BMPER: variants seen among roughly 807,000 people sequenced by gnomAD.
BMPER encodes BMP binding endothelial regulator, also known as BMP-binding endothelial regulator protein.
Under a neutral mutation model 87.3 loss-of-function variants are expected in BMPER, and 45 were observed. The ratio of observed to expected loss-of-function variants is 0.52; its 90% CI spans 0.41 to 0.66. The LOEUF is 0.66. Ranked by LOEUF, BMPER falls within the 30% of genes least tolerant of loss-of-function variation. The pLI, the probability that BMPER is intolerant of heterozygous loss-of-function variation, is 0.00. For missense variants in BMPER, 784 were observed against 867.5 expected (o/e 0.90, Z 1.21); for synonymous variants, 326 against 316.2 (o/e 1.03, Z -0.33).
intron 6 of BMPER, among the ~76,000 whole-genome samples, chr7:34,001,701 T>G (rs1786585972): frequency 6.6e-6 from 1 of 151,758 alleles, no homozygotes; most frequent in South Asian, 2.1e-4. Context: ...CTTCATCATT[T>G]TCTTTCTTCT....
rs543297892 is a variant in BMPER, at chr7:33,988,747, C to T, written c.576+13963C>T. Among the ~76,000 whole-genome samples the T allele has an allele frequency of 8.2e-3, 1,179 of 144,164 alleles. 13 individuals are homozygous for T. Among genetic ancestry groups the T allele is most frequent in the African/African-American group, 0.028 (1,084 of 38,996 alleles). 94.6% of individuals were successfully genotyped at this position (144,164 alleles called of 152,430 possible). A position where few individuals can be genotyped will look rare whatever the true frequency, so the allele number is the denominator to read the frequency against. ...GTCATCTAGCATTACGTATATCTCC[C>T]GATGCTATCCCTCCCCCCTCCCCCC... is the stretch of plus-strand genomic sequence containing the variant. On this transcript the variant is annotated intron_variant, in intron 6 of 14. Transcript: ENST00000649409.
chr7:34,005,157 G>A (rs1427336069), intron 6 of BMPER, among the ~76,000 whole-genome samples: 1 of 152,052 alleles, frequency 6.6e-6, no homozygotes, highest in Non-Finnish European at 1.5e-5. Context: ...CTGACAGATA[G>A]GTAAAATAGT....
intron 3 of BMPER, among the ~76,000 whole-genome samples, chr7:33,951,534 T>G (rs1785024535): frequency 6.6e-6 from 1 of 152,218 alleles, no homozygotes; most frequent in Non-Finnish European, 1.5e-5. Flanking sequence ...TACAATTAAG[T>G]ATCTTTTCTT....
chr7:33,937,669 GAA>G (rs1476721987), intron 3 of BMPER: 4 of 451,834 alleles, frequency 8.9e-6, no homozygotes, highest in Non-Finnish European at 1.7e-5. Flanking sequence ...ATGTCGTAGA[GAA>G]GAGTCAACCA....
intron 6 of BMPER, among the ~76,000 whole-genome samples, chr7:34,029,015 T>C (rs1202396288): frequency 6.6e-6 from 1 of 152,066 alleles, no homozygotes; most frequent in Admixed American, 6.6e-5. Context: ...CATGGAATAT[T>C]AAATGGACAA....
intron 3 of BMPER, among the ~76,000 whole-genome samples, chr7:33,964,096 A>G (rs1002470321): frequency 3.9e-5 from 6 of 152,246 alleles, no homozygotes; most frequent in Admixed American, 6.5e-5. Flanking sequence ...GATTGTATCT[A>G]TATCTGAGTC....
intron 12 of BMPER, among the ~76,000 whole-genome samples, chr7:34,081,148 C>T (rs1487143244): frequency 6.6e-6 from 1 of 152,240 alleles, no homozygotes; most frequent in African/African-American, 2.4e-5. Flanking sequence ...TTACTTTACA[C>T]TTATTCTTTG....
At chr7:34,119,050 A>G (rs563735629) in intron 13 of BMPER, among the ~76,000 whole-genome samples, 5 of 149,014 alleles carry the variant, frequency 3.4e-5, no homozygotes, top group South Asian at 2.1e-4. Flanking sequence ...ACTCGATACG[A>G]TGACACATAT....
rs566476020 is a variant in BMPER at position 34,153,931 on chromosome 7, T to C, written c.*658T>C. On this transcript the variant is annotated 3_prime_UTR_variant, in exon 15 of 15. Transcript: ENST00000649409. ...ACTAGGGCATAACCGAAGAATCAAG[T>C]GATTTCTTGCCATCCTTGCGTAGTC... 6 of 154,928 alleles carry C rather than the reference T, an allele frequency of 3.9e-5. No homozygotes were observed. In the South Asian group the frequency reaches 1.2e-3, roughly 31 times the overall value. The allele number at this position is 154,928 out of a possible 1,614,324, so 9.6% of individuals were successfully genotyped here.
intron 4 of BMPER, 138 bp downstream of exon 4, chr7:33,966,699 TTG>T (rs917347336): frequency 1.3e-6 from 1 of 764,856 alleles, no homozygotes; most frequent in Non-Finnish European, 2.2e-6. Context: ...AACTGTATCC[TTG>T]TGTGTACTTA....
At chr7:33,954,940 C>A (rs1403407760) in intron 3 of BMPER, among the ~76,000 whole-genome samples, 1 of 152,142 alleles carries the variant, frequency 6.6e-6, no homozygotes, top group East Asian at 1.9e-4. Context: ...TCTTGTTGCA[C>A]AGGCTAGAGT....
intron 6 of BMPER, among the ~76,000 whole-genome samples, chr7:33,979,052 G>A (rs990415664): frequency 5.9e-5 from 9 of 152,074 alleles, no homozygotes; most frequent in East Asian, 1.9e-4. Flanking sequence ...ATGTGGGTCC[G>A]CAGCGACAGA....
At chr7:33,966,377 G>T (rs937804765) in intron 3 of BMPER, 102 bp from the exon 4 acceptor site, 2 of 991,272 alleles carry the variant, frequency 2.0e-6, no homozygotes, top group Admixed American at 1.9e-5. Context: ...TCCTTTGATC[G>T]CTAATCTGGG....
intron 6 of BMPER, among the ~76,000 whole-genome samples, chr7:34,021,246 A>G (rs1013178730): frequency 3.9e-5 from 6 of 152,038 alleles, no homozygotes; most frequent in African/African-American, 1.2e-4. Context: ...TGAATGATCA[A>G]TTGTAATGAA....
At chr7:33,929,588 G>T (rs1784434961) in intron 2 of BMPER, among the ~76,000 whole-genome samples, 1 of 152,182 alleles carries the variant, frequency 6.6e-6, no homozygotes. Flanking sequence ...GGGAAAGGTG[G>T]CTCACTTAGC....
chr7:33,937,948 A>G (rs1045720961), intron 3 of BMPER, among the ~76,000 whole-genome samples: 19 of 152,096 alleles, frequency 1.2e-4, no homozygotes, highest in African/African-American at 4.6e-4. Flanking sequence ...TCCTTCTGGA[A>G]TGTGCTGTTC....
chr7:34,014,752 A>G (rs952321913), intron 6 of BMPER, among the ~76,000 whole-genome samples: 24 of 152,140 alleles, frequency 1.6e-4, no homozygotes, highest in African/African-American at 4.3e-4. Flanking sequence ...ATATTTTTAT[A>G]TGTTCACTAA....
chr7:34,130,886 C>T (rs948730821), intron 13 of BMPER, among the ~76,000 whole-genome samples: 7 of 152,162 alleles, frequency 4.6e-5, no homozygotes, highest in African/African-American at 7.2e-5. Flanking sequence ...CTTTAGAAGG[C>T]GACCTGTCTT....
intron 6 of BMPER, among the ~76,000 whole-genome samples, chr7:34,007,919 TGAG>T (rs1462550574): frequency 2.0e-5 from 3 of 151,936 alleles, no homozygotes; most frequent in African/African-American, 7.2e-5. Context: ...TCACCTCCAT[TGAG>T]AGTGTATCAG....
Sources: allele counts gnomAD v4.1 joint callset (sites outside exome capture counted in the v4.1 genomes callset), GRCh38; gene constraint gnomAD v4.1.1; transcripts MANE v1.5; gene names NCBI Gene and HGNC (gene_info 2026-07-23, HGNC 2026-07-21).